Variants in MARCHF3 observed in about 807,000 individuals in gnomAD.
MARCHF3 encodes E3 ubiquitin-protein ligase MARCHF3.
A neutral mutation model predicts 24.2 loss-of-function variants in MARCHF3; 13 were observed. The observed-to-expected ratio is 0.54, with a 90% CI of 0.35 to 0.85. The LOEUF is 0.85. Among genes scored for constraint, MARCHF3 ranks in the 40% least tolerant of loss-of-function variants. MARCHF3 has a pLI of 0.01. For synonymous variants in MARCHF3, 144 were observed against 137.3 expected (o/e 1.05, Z -0.34); for missense variants, 276 against 325.0 (o/e 0.85, Z 1.16).
chr5:126,939,637 C>T (rs1225333043), intron 1 of MARCHF3, among the ~76,000 whole-genome samples: 1 of 152,148 alleles, frequency 6.6e-6, no homozygotes, highest in East Asian at 1.9e-4. Flanking sequence ...GAATCTAAGA[C>T]TTGAATAGAA....
intron 3 of MARCHF3, among the ~76,000 whole-genome samples, chr5:126,886,739 G>T (rs1005913014): frequency 1.3e-5 from 2 of 152,092 alleles, no homozygotes; most frequent in Admixed American, 6.5e-5. Flanking sequence ...ATCCACTGCA[G>T]AACACGAGAT....
At chr5:126,934,432 ATTT>A (rs34440613) in intron 1 of MARCHF3, among the ~76,000 whole-genome samples, 1 of 142,706 alleles carries the variant, frequency 7.0e-6, no homozygotes. Context: ...GGTAGCCTCT[ATTT>A]TTTTTTTTTT....
chr5:127,026,952 C>A (rs900566288), intron 1 of MARCHF3, among the ~76,000 whole-genome samples: 1 of 152,174 alleles, frequency 6.6e-6, no homozygotes, highest in Non-Finnish European at 1.5e-5. Flanking sequence ...TGAAAGAAGT[C>A]ATTTGTTTTT....
At chr5:127,015,220 A>T (rs893626966) in intron 1 of MARCHF3, among the ~76,000 whole-genome samples, 2 of 152,218 alleles carry the variant, frequency 1.3e-5, no homozygotes, top group African/African-American at 4.8e-5. Flanking sequence ...TTAGCTCAGA[A>T]GTATATTTCA....
In MARCHF3 at chr5:126,911,178, C is replaced by T. The variant is rs371032108; in HGVS notation, c.393+3752G>A. Among the ~76,000 whole-genome samples, 18 of 152,266 alleles carry T rather than the reference C, an allele frequency of 1.2e-4. No homozygotes were observed. In the South Asian group the frequency reaches 2.1e-3, roughly 18 times the overall value. On this transcript the variant is annotated intron_variant, in intron 3 of 4. Transcript: ENST00000308660. ...CTTCATTAGCAATTTTAATTTTGCC[C>T]GGGTCCTGTGGTCCTGTGATCTCGC...
chr5:126,893,504 G>C (rs55885154), intron 3 of MARCHF3, among the ~76,000 whole-genome samples: 15,982 of 151,754 alleles, frequency 0.11, 1,223 homozygotes, highest in Middle Eastern at 0.16. Context: ...TGTTGTTGTT[G>C]GTTTCAAAGA....
rs1752912654 is a variant in MARCHF3 at position 126,870,030 on chromosome 5, TAATTA to T, written c.*598_*602del. 1 of 152,568 alleles carries T rather than the reference TAATTA, an allele frequency of 6.6e-6. No homozygotes were observed. Among genetic ancestry groups the T allele is most frequent in the African/African-American group, 2.4e-5 (1 of 41,412 alleles). The allele number at this position is 152,568 out of a possible 1,614,324, so 9.5% of individuals were successfully genotyped here. A position where few individuals can be genotyped will look rare whatever the true frequency, so the allele number is the denominator to read the frequency against. ...GCCCTTTTTCCCTTTAAAAACTGAA[TAATTA>T]AATGAAGTTTAGTACAAAACATTCT... On this transcript the variant is annotated 3_prime_UTR_variant, in exon 5 of 5. Coordinates refer to ENST00000308660, the MANE Select transcript of MARCHF3 (RefSeq NM_178450.5).
intron 1 of MARCHF3, among the ~76,000 whole-genome samples, chr5:126,971,527 A>G (rs936036576): frequency 1.3e-5 from 2 of 151,926 alleles, no homozygotes; most frequent in African/African-American, 4.8e-5. Flanking sequence ...CAGCAGGTCT[A>G]TTGTACCTTA....
intron 3 of MARCHF3, among the ~76,000 whole-genome samples, chr5:126,896,238 C>T (rs1271094153): frequency 6.6e-6 from 1 of 152,126 alleles, no homozygotes; most frequent in Non-Finnish European, 1.5e-5. Context: ...GAACCCGGTA[C>T]CTCAGATGGA....
At chr5:127,025,977 T>C (rs2126866941) in intron 1 of MARCHF3, among the ~76,000 whole-genome samples, 1 of 152,172 alleles carries the variant, frequency 6.6e-6, no homozygotes, top group African/African-American at 2.4e-5. Flanking sequence ...GGCAGACTGA[T>C]TTAAAAAGTG....
intron 1 of MARCHF3, among the ~76,000 whole-genome samples, chr5:126,926,242 C>T (rs1027207158): frequency 6.6e-6 from 1 of 152,178 alleles, no homozygotes; most frequent in African/African-American, 2.4e-5. Context: ...TTGGAACTTT[C>T]CTCTTCCTCG....
intron 1 of MARCHF3, among the ~76,000 whole-genome samples, chr5:126,950,938 A>G (rs1283095042): frequency 6.6e-6 from 1 of 152,206 alleles, no homozygotes; most frequent in African/African-American, 2.4e-5. Flanking sequence ...TGACATATGT[A>G]AACACCATCA....
At chr5:126,988,993 G>A (rs1220970549) in intron 1 of MARCHF3, among the ~76,000 whole-genome samples, 1 of 152,100 alleles carries the variant, frequency 6.6e-6, no homozygotes, top group African/African-American at 2.4e-5. Context: ...AACTCCCACT[G>A]GCATCAACAA....
intron 1 of MARCHF3, among the ~76,000 whole-genome samples, chr5:126,961,018 A>G (rs1029377654): frequency 1.1e-4 from 16 of 152,162 alleles, no homozygotes; most frequent in African/African-American, 3.9e-4. Context: ...AGGTAACTCC[A>G]TGCTTCTATT....
At chr5:126,906,992 C>A (rs962048131) in intron 3 of MARCHF3, among the ~76,000 whole-genome samples, 8 of 151,900 alleles carry the variant, frequency 5.3e-5, no homozygotes, top group Non-Finnish European at 8.8e-5. Flanking sequence ...GCTTTGAATG[C>A]GTCCCAGAGA....
At chr5:126,914,213 G>GA (rs1419870583) in intron 3 of MARCHF3, among the ~76,000 whole-genome samples, 1 of 151,734 alleles carries the variant, frequency 6.6e-6, no homozygotes, top group Non-Finnish European at 1.5e-5. Context: ...TTGATCTCCT[G>GA]ACCTTGTGAT....
At chr5:126,990,412 A>T (rs1161610647) in intron 1 of MARCHF3, among the ~76,000 whole-genome samples, 1 of 152,182 alleles carries the variant, frequency 6.6e-6, no homozygotes, top group Non-Finnish European at 1.5e-5. Flanking sequence ...TGGATTAAAG[A>T]CTAAAATGTT....
At chr5:126,915,727 C>G (rs1754705525) in intron 2 of MARCHF3, among the ~76,000 whole-genome samples, 2 of 152,172 alleles carry the variant, frequency 1.3e-5, no homozygotes, top group Non-Finnish European at 2.9e-5. Flanking sequence ...AGATACCAAA[C>G]TGAAAGCGAG....
intron 1 of MARCHF3, among the ~76,000 whole-genome samples, chr5:126,937,528 T>G (rs536052943): frequency 2.0e-5 from 3 of 152,370 alleles, no homozygotes; most frequent in Non-Finnish European, 4.4e-5. Context: ...ATTGTATATT[T>G]AGACCATGGG....
Sources: gnomAD v4.1 joint callset for allele counts (sites outside exome capture counted in the v4.1 genomes callset) on GRCh38, gnomAD v4.1.1 for gene constraint, MANE v1.5 for transcripts, NCBI Gene and HGNC (gene_info 2026-07-23, HGNC 2026-07-21) for gene names.